The following EML5 variants were observed in gnomAD, a reference collection of about 807,000 sequenced individuals.
The protein encoded by EML5 is echinoderm microtubule-associated protein-like 5.
EML5 carries 120 observed loss-of-function variants against 250.0 expected under a neutral mutation model. The observed-to-expected ratio is 0.48, with a 90% CI of 0.41 to 0.56. EML5 has a LOEUF of 0.56. Among genes scored for constraint, EML5 ranks in the 20% least tolerant of loss-of-function variants. The probability of loss-of-function intolerance (pLI) is 0.00; values close to 1 mark genes in which losing one functional copy is unlikely to be tolerated. For missense variants in EML5, 2,006 were observed against 2,437.6 expected, an observed-to-expected ratio of 0.82 and a Z score of 3.73; for synonymous variants, 771 against 806.5, an observed-to-expected ratio of 0.96 and a Z score of 0.75.
intron 2 of EML5, among the ~76,000 whole-genome samples, chr14:88,752,856 A>T (rs1346231872): frequency 6.6e-6 from 1 of 152,170 alleles, no homozygotes; most frequent in Non-Finnish European, 1.5e-5. Flanking sequence ...TATCAAGAGG[A>T]GTTTGGCCCA....
At chr14:88,737,073 C>G (rs945965753) in intron 6 of EML5, among the ~76,000 whole-genome samples, 2 of 152,076 alleles carry the variant, frequency 1.3e-5, no homozygotes, top group Admixed American at 1.3e-4. Flanking sequence ...GCCTTGCTCA[C>G]CTGCCAGCTG....
At chr14:88,769,051 T>C (rs1036170808) in intron 1 of EML5, among the ~76,000 whole-genome samples, 1 of 152,190 alleles carries the variant, frequency 6.6e-6, no homozygotes, top group Admixed American at 6.5e-5. Flanking sequence ...AGAGGTCTGA[T>C]TGCATAAAGC....
At chr14:88,731,445 C>T (rs1595705867) in intron 7 of EML5, among the ~76,000 whole-genome samples, 2 of 152,134 alleles carry the variant, frequency 1.3e-5, no homozygotes, top group African/African-American at 4.8e-5. Context: ...ATATGTGCCA[C>T]ATTTGCTTAA....
At chr14:88,670,050 T>C (rs1037477596) in intron 21 of EML5, among the ~76,000 whole-genome samples, 3 of 151,954 alleles carry the variant, frequency 2.0e-5, no homozygotes, top group African/African-American at 7.3e-5. Context: ...GCATAGTGGC[T>C]CATGCCTGTA....
chr14:88,635,849 A>G (rs1030138354), intron 32 of EML5, among the ~76,000 whole-genome samples: 3 of 152,182 alleles, frequency 2.0e-5, no homozygotes, highest in Admixed American at 1.3e-4. Flanking sequence ...TAGTGTTCTT[A>G]TAAGAGACAG....
intron 39 of EML5, chr14:88,619,755 C>G (rs1462081265): frequency 6.6e-6 from 1 of 152,178 alleles, no homozygotes; most frequent in Non-Finnish European, 1.5e-5. Context: ...ACCTCCGCCT[C>G]CCGGGTTCAA....
chr14:88,686,281 C>A (rs2141223971), intron 19 of EML5, among the ~76,000 whole-genome samples: 1 of 152,076 alleles, frequency 6.6e-6, no homozygotes, highest in East Asian at 1.9e-4. Context: ...TGGTGCTATG[C>A]CTTAAAGGAA....
chr14:88,646,500 C>T (rs972408801), intron 29 of EML5, among the ~76,000 whole-genome samples: 1 of 151,850 alleles, frequency 6.6e-6, no homozygotes, highest in East Asian at 1.9e-4. Context: ...TGCTTTTTTC[C>T]CCAAGTCAAT....
chr14:88,660,634 T>G (rs1006847386), intron 25 of EML5, among the ~76,000 whole-genome samples: 1 of 151,818 alleles, frequency 6.6e-6, no homozygotes, highest in Admixed American at 6.6e-5. Context: ...TCCCAGCTAC[T>G]CAGGGGGCTG....
At chr14:88,791,086 CTT>C (rs142875080) in intron 1 of EML5, among the ~76,000 whole-genome samples, 7,451 of 152,174 alleles carry the variant, frequency 0.049, 485 homozygotes, top group African/African-American at 0.13. Flanking sequence ...TCAATTTTGT[CTT>C]TTCTTATCTT....
At chr14:88,702,781 G>A in intron 13 of EML5, 149 bp from the exon 14 acceptor site, 1 of 558,396 alleles carries the variant, frequency 1.8e-6, no homozygotes, top group East Asian at 3.2e-5. Context: ...AAGAGATGGG[G>A]TCTCGCTCTG....
intron 21 of EML5, among the ~76,000 whole-genome samples, chr14:88,666,082 T>C (rs1475482827): frequency 6.6e-6 from 1 of 152,150 alleles, no homozygotes; most frequent in Non-Finnish European, 1.5e-5. Context: ...ATATTTACCT[T>C]AAAAGAAATT....
chr14:88,648,845 T>G (rs1192257525), intron 28 of EML5, among the ~76,000 whole-genome samples: 3 of 152,116 alleles, frequency 2.0e-5, no homozygotes, highest in African/African-American at 7.2e-5. Flanking sequence ...ATGGCCCATT[T>G]TAGAGGTTGC....
chr14:88,768,008 T>A (rs1459634801), intron 1 of EML5, among the ~76,000 whole-genome samples: 1 of 152,172 alleles, frequency 6.6e-6, no homozygotes, highest in Non-Finnish European at 1.5e-5. Flanking sequence ...TTTCTTAGAC[T>A]TTCCTTTCCT....
In EML5 at chr14:88,622,265, T is replaced by G. The variant is rs1343008672; in HGVS notation, c.5013+339A>C. On this transcript the variant is annotated intron_variant, in intron 37 of 43. Coordinates refer to ENST00000554922, the MANE Select transcript of EML5 (RefSeq NM_183387.3). ...TTGTTTGTTTACTGCACGTTTTATC[T>G]AGGGAATGTGTGTTTTTTTAAAAAA... 3 of 198,664 alleles carry G rather than the reference T, an allele frequency of 1.5e-5. No homozygotes were observed. The East Asian group carries it at 3.5e-4, about 23-fold the overall frequency. 12.3% of individuals were successfully genotyped at this position (198,664 alleles called of 1,614,324 possible).
chr14:88,763,186 A>G (rs2094270898), intron 1 of EML5, among the ~76,000 whole-genome samples: 1 of 152,142 alleles, frequency 6.6e-6, no homozygotes, highest in Non-Finnish European at 1.5e-5. Context: ...GACAGAGAAG[A>G]AAACCCTTTC....
intron 27 of EML5, 58 bp from the exon 28 acceptor site, chr14:88,649,984 A>G: frequency 8.0e-7 from 1 of 1,252,814 alleles, no homozygotes; most frequent in Non-Finnish European, 1.1e-6. Flanking sequence ...GATGATGAAT[A>G]GAATACAGCA....
intron 14 of EML5, among the ~76,000 whole-genome samples, chr14:88,701,664 G>A (rs2093212238): frequency 1.3e-5 from 2 of 152,186 alleles, no homozygotes; most frequent in African/African-American, 4.8e-5. Context: ...GAGGATGCAA[G>A]TTGATCCCTT....
chr14:88,672,444 T>C (rs1485006934), intron 21 of EML5, among the ~76,000 whole-genome samples: 1 of 151,884 alleles, frequency 6.6e-6, no homozygotes, highest in Non-Finnish European at 1.5e-5. Flanking sequence ...ATCAAAAAGC[T>C]AGAAAGATCT....
Sources: gnomAD v4.1 joint callset for allele counts (sites outside exome capture counted in the v4.1 genomes callset) on GRCh38, gnomAD v4.1.1 for gene constraint, MANE v1.5 for transcripts, NCBI Gene and HGNC (gene_info 2026-07-23, HGNC 2026-07-21) for gene names.